ZDHHC3: variants seen among roughly 807,000 people sequenced by gnomAD.
ZDHHC3 encodes palmitoyltransferase ZDHHC3.
ZDHHC3 carries 9 observed loss-of-function variants against 30.6 expected under a neutral mutation model. That is an observed-to-expected ratio of 0.29 (90% CI 0.18 to 0.51). The LOEUF (loss-of-function observed/expected upper bound fraction) is 0.51. Ranked by LOEUF, ZDHHC3 falls within the 20% of genes least tolerant of loss-of-function variation. The pLI is 0.97. For missense variants in ZDHHC3, 246 were observed against 384.2 expected, an observed-to-expected ratio of 0.64 and a Z score of 3.01; for synonymous variants, 136 against 140.2, an observed-to-expected ratio of 0.97 and a Z score of 0.21.
chr3:44,929,336 G>C lies in ZDHHC3; in HGVS notation c.711C>G (p.Thr237=). 1 of 1,614,070 alleles carries C rather than the reference G, an allele frequency of 6.2e-7. No homozygotes were observed. Among genetic ancestry groups the C allele is most frequent in the Non-Finnish European group, 8.5e-7 (1 of 1,179,982 alleles). Residue 237 remains threonine (T), a synonymous_variant, in exon 6 of 7, where the codon ACC becomes ACG. Coordinates refer to ENST00000424952, the MANE Select transcript of ZDHHC3 (RefSeq NM_001135179.2). ...CATCTGTGCAGATGGAGTGCACCTG[G>C]GTCCCAAACATCACTGATGTGAAAA... ...FLIFTSVMFG[T]QVHSICTDET... is the part of the protein sequence containing the mutation.
Position 44,921,411 on chromosome 3 carries a change from A to G in ZDHHC3, c.*5278T>C. The G allele has an allele frequency of 1.0e-6, 1 of 985,450 alleles. No individual in the cohort carries two copies. The highest frequency in any genetic ancestry group is 1.2e-6 in the Non-Finnish European group (1 of 829,932). 61.0% of individuals were successfully genotyped at this position (985,450 alleles called of 1,614,324 possible). ...TCCTCATCAGAGATTTCATACCTCT[A>G]TATTGTAACCCACAAGAGGAAACAT... is the stretch of plus-strand genomic sequence containing the variant. On this transcript the variant is annotated 3_prime_UTR_variant, in exon 7 of 7. Transcript: ENST00000424952.
intron 2 of ZDHHC3, among the ~76,000 whole-genome samples, chr3:44,945,898 C>A (rs137880216): frequency 1.3e-5 from 2 of 152,202 alleles, no homozygotes; most frequent in East Asian, 3.9e-4. Context: ...TGACATTGTT[C>A]CTGATTACTT....
rs973681511 is a variant in ZDHHC3 at position 44,918,071 on chromosome 3, A to G, written c.*8618T>C. ...CAGTTCAGGGAGAAGTCCCCACCAA[A>G]GGTCTCCTTTACTGACTGCCAGCTC... On this transcript the variant is annotated 3_prime_UTR_variant, in exon 7 of 7. Coordinates refer to ENST00000424952, the MANE Select transcript of ZDHHC3 (RefSeq NM_001135179.2). 1 of 1,305,206 alleles carries G rather than the reference A, an allele frequency of 7.7e-7. No individual in the cohort carries two copies. The highest frequency in any genetic ancestry group is 1.5e-5 in the African/African-American group (1 of 65,820). The allele number at this position is 1,305,206 out of a possible 1,614,324, so 80.9% of individuals were successfully genotyped here. A position where few individuals can be genotyped will look rare whatever the true frequency, so the allele number is the denominator to read the frequency against.
chr3:44,935,431 A>G (rs575841745), intron 3 of ZDHHC3, among the ~76,000 whole-genome samples: 50 of 152,254 alleles, frequency 3.3e-4, no homozygotes, highest in African/African-American at 1.2e-3. Flanking sequence ...CACCACACCC[A>G]GCTAATTTTT....
rs1373498751 is a variant in ZDHHC3 at position 44,919,798 on chromosome 3, CTT to C, written c.*6889_*6890del. On this transcript the variant is annotated 3_prime_UTR_variant, in exon 7 of 7. Coordinates refer to ENST00000424952, the MANE Select transcript of ZDHHC3 (RefSeq NM_001135179.2). ...ACTGACTGAAAGGTACATGGGAACT[CTT>C]TGTACTGTTTTTGTCACATTTTTGT... The C allele has an allele frequency of 2.4e-6, 2 of 845,452 alleles. No homozygotes were observed. The highest frequency in any genetic ancestry group is 6.2e-5 in the Admixed American group (1 of 16,048). 52.4% of individuals were successfully genotyped at this position (845,452 alleles called of 1,614,324 possible).
At chr3:44,933,223 C>T (rs756329232) in intron 4 of ZDHHC3, 24 bp from the exon 5 acceptor site, 8 of 1,610,040 alleles carry the variant, frequency 5.0e-6, no homozygotes, top group Middle Eastern at 1.7e-4. Flanking sequence ...CCAGTGCAGA[C>T]ACCATTGTTG....
At chr3:44,966,223 C>T (rs905501167) in intron 1 of ZDHHC3, among the ~76,000 whole-genome samples, 1 of 152,230 alleles carries the variant, frequency 6.6e-6, no homozygotes, top group Non-Finnish European at 1.5e-5. Flanking sequence ...ATGTCATGAA[C>T]ATCAGCAAAA....
chr3:44,932,380 A>T (rs556289356), intron 5 of ZDHHC3, among the ~76,000 whole-genome samples: 1 of 152,206 alleles, frequency 6.6e-6, no homozygotes. Flanking sequence ...AGTGAAATAA[A>T]AAAAAGGAGG....
intron 2 of ZDHHC3, among the ~76,000 whole-genome samples, chr3:44,958,882 AATGTATATATCC>A (rs1704201570): frequency 6.6e-6 from 1 of 152,218 alleles, no homozygotes; most frequent in Non-Finnish European, 1.5e-5. Flanking sequence ...AGGCCCAATG[AATGTATATATCC>A]ATGTACTTAT....
At chr3:44,968,649 T>C (rs574609528) in intron 1 of ZDHHC3, among the ~76,000 whole-genome samples, 1 of 152,262 alleles carries the variant, frequency 6.6e-6, no homozygotes, top group South Asian at 2.1e-4. Flanking sequence ...TGAGATAAGA[T>C]TGCACCACTG....
Position 44,922,059 on chromosome 3 carries a change from C to G in ZDHHC3, c.*4630G>C. On this transcript the variant is annotated 3_prime_UTR_variant, in exon 7 of 7. Transcript: ENST00000424952. ...ACTGCTCAAGTCAGCAAGATGTTTA[C>G]TTGAGGGAGAGGGTGAGAAAAAGAA... 1 of 985,418 alleles carries G rather than the reference C, an allele frequency of 1.0e-6. No individual in the cohort carries two copies. Among genetic ancestry groups the G allele is most frequent in the Non-Finnish European group, 1.2e-6 (1 of 829,922 alleles). 61.0% of individuals were successfully genotyped at this position (985,418 alleles called of 1,614,324 possible). A position where few individuals can be genotyped will look rare whatever the true frequency, so the allele number is the denominator to read the frequency against.
At chr3:44,945,500 T>G (rs1380514907) in intron 2 of ZDHHC3, among the ~76,000 whole-genome samples, 1 of 152,188 alleles carries the variant, frequency 6.6e-6, no homozygotes, top group Admixed American at 6.5e-5. Flanking sequence ...GAGATGCCAT[T>G]AGGCCACATT....
chr3:44,965,245 A>G (rs1186016078), intron 1 of ZDHHC3, among the ~76,000 whole-genome samples: 1 of 152,216 alleles, frequency 6.6e-6, no homozygotes, highest in Non-Finnish European at 1.5e-5. Context: ...AGATCCATAC[A>G]TAACACACGT....
At position 44,920,230 on chromosome 3, in the gene ZDHHC3, C is replaced by A. The variant is rs1348012229; in HGVS notation, c.*6459G>T. ...ATGAGCATGTGATGCCATGCTGCTT[C>A]CTGACTGGCCCCTCGCCAGGCCTCC... On this transcript the variant is annotated 3_prime_UTR_variant, in exon 7 of 7. Coordinates refer to ENST00000424952, the MANE Select transcript of ZDHHC3 (RefSeq NM_001135179.2). The A allele has an allele frequency of 1.6e-6, 2 of 1,289,976 alleles. No individual in the cohort carries two copies. Among genetic ancestry groups the A allele is most frequent in the South Asian group, 2.5e-5 (2 of 81,038 alleles). 79.9% of individuals were successfully genotyped at this position (1,289,976 alleles called of 1,614,324 possible).
In ZDHHC3 at chr3:44,929,332, C is replaced by T. The variant is rs1559657845; in HGVS notation, c.715G>A (p.Val239Met). Residue 239 changes from valine to methionine, a missense_variant, in exon 6 of 7, where the codon GTG (valine) becomes ATG (methionine). By Grantham distance (21) the Val-to-Met change is conservative. Transcript: ENST00000424952. Reference protein sequence around the residue: ...IFTSVMFGTQVHSICTDETGI... With the variant: ...IFTSVMFGTQMHSICTDETGI... ...GTCTCATCTGTGCAGATGGAGTGCA[C>T]CTGGGTCCCAAACATCACTGATGTG... 1 of 1,614,072 alleles carries T rather than the reference C, an allele frequency of 6.2e-7. No homozygotes were observed. The highest frequency in any genetic ancestry group is 8.5e-7 in the Non-Finnish European group (1 of 1,179,984).
chr3:44,970,562 G>A (rs1318364793), intron 1 of ZDHHC3, among the ~76,000 whole-genome samples: 1 of 152,192 alleles, frequency 6.6e-6, no homozygotes, highest in Non-Finnish European at 1.5e-5. Context: ...GTTCTCAGGA[G>A]CAAATTCAAC....
At chr3:44,947,160 T>C (rs1045107736) in intron 2 of ZDHHC3, among the ~76,000 whole-genome samples, 3 of 152,148 alleles carry the variant, frequency 2.0e-5, no homozygotes, top group Non-Finnish European at 2.9e-5. Context: ...TGAGCCCCAG[T>C]AGGGTTTCCA....
At chr3:44,960,440 C>T (rs1215314245) in intron 1 of ZDHHC3, among the ~76,000 whole-genome samples, 1 of 152,246 alleles carries the variant, frequency 6.6e-6, no homozygotes, top group Non-Finnish European at 1.5e-5. Flanking sequence ...GAAACAAGTG[C>T]TGAGCAAAGC....
chr3:44,972,908 G>C (rs1164631802), intron 1 of ZDHHC3, among the ~76,000 whole-genome samples: 1 of 152,162 alleles, frequency 6.6e-6, no homozygotes, highest in African/African-American at 2.4e-5. Context: ...GTTGGAATCT[G>C]GGTCTCCATG....
Sources: gnomAD v4.1 joint callset for allele counts (sites outside exome capture counted in the v4.1 genomes callset) on GRCh38, gnomAD v4.1.1 for gene constraint, MANE v1.5 for transcripts, NCBI Gene and HGNC (gene_info 2026-07-23, HGNC 2026-07-21) for gene names.